DPYD: variants seen among roughly 807,000 people sequenced by gnomAD.
DPYD encodes the protein dihydropyrimidine dehydrogenase [NADP(+)].
DPYD carries 109 observed loss-of-function variants against 116.2 expected under a neutral mutation model. The ratio of observed to expected loss-of-function variants is 0.94; its 90% CI spans 0.80 to 1.10. The LOEUF is 1.10. Ranked by LOEUF, DPYD falls within the 50% of genes least tolerant of loss-of-function variation. DPYD has a pLI of 0.00. For synonymous variants in DPYD, 440 were observed against 432.0 expected (o/e 1.02, Z -0.23); for missense variants, 1,302 against 1,254.5 (o/e 1.04, Z -0.57).
chr1:97,599,764 C>T (rs1465239085), intron 8 of DPYD, among the ~76,000 whole-genome samples: 1 of 146,036 alleles, frequency 6.8e-6, no homozygotes, highest in Non-Finnish European at 1.5e-5. Context: ...TGGCTCCTGC[C>T]TGTAATCCCA....
chr1:97,780,698 T>C (rs542592389), intron 3 of DPYD, among the ~76,000 whole-genome samples: 22 of 152,282 alleles, frequency 1.4e-4, no homozygotes, highest in African/African-American at 5.1e-4. Flanking sequence ...TTCTGTCCCT[T>C]CTTTTAACTG....
chr1:97,317,270 GA>G (rs1667912386), intron 16 of DPYD, among the ~76,000 whole-genome samples: 1 of 151,988 alleles, frequency 6.6e-6, no homozygotes, highest in South Asian at 2.1e-4. Flanking sequence ...AATATATGCA[GA>G]AACAGGTCAT....
intron 1 of DPYD, among the ~76,000 whole-genome samples, chr1:97,887,289 G>A (rs1035160171): frequency 6.6e-6 from 1 of 151,534 alleles, no homozygotes; most frequent in Non-Finnish European, 1.5e-5. Flanking sequence ...GGGCAACACA[G>A]TGAATCCCCA....
intron 3 of DPYD, among the ~76,000 whole-genome samples, chr1:97,746,311 G>A (rs2101084474): frequency 6.6e-6 from 1 of 152,138 alleles, no homozygotes; most frequent in East Asian, 1.9e-4. Flanking sequence ...AGCTGTTTGT[G>A]CTGGAAACAT....
Position 97,757,977 on chromosome 1 carries a change from G to A in DPYD, c.234-17498C>T, listed in dbSNP as rs375299447. ...CTGCACTACTGAATTCTCATAATAC[G>A]CACTGCCTGAGAAATGGAGCGCCTG... On this transcript the variant is annotated intron_variant, in intron 3 of 22. Coordinates refer to ENST00000370192, the MANE Select transcript of DPYD (RefSeq NM_000110.4). Among the ~76,000 whole-genome samples the A allele has an allele frequency of 1.1e-4, 16 of 152,120 alleles. No individual in the cohort carries two copies. The East Asian group carries it at 1.2e-3, about 11-fold the overall frequency.
At chr1:97,273,643 T>C (rs919531256) in intron 18 of DPYD, among the ~76,000 whole-genome samples, 1 of 152,204 alleles carries the variant, frequency 6.6e-6, no homozygotes, top group African/African-American at 2.4e-5. Context: ...CAATATGTGA[T>C]TGAATTACTG....
chr1:97,269,881 C>T (rs1664467427), intron 18 of DPYD, among the ~76,000 whole-genome samples: 1 of 152,112 alleles, frequency 6.6e-6, no homozygotes, highest in African/African-American at 2.4e-5. Flanking sequence ...GGGCACAATT[C>T]AGTACACAGC....
chr1:97,897,145 G>A (rs1158276971), intron 1 of DPYD, among the ~76,000 whole-genome samples: 1 of 151,792 alleles, frequency 6.6e-6, no homozygotes, highest in Admixed American at 6.6e-5. Context: ...TCTCTACTTT[G>A]CCCTGGTTTT....
chr1:97,496,140 C>T (rs1282257617), intron 13 of DPYD, among the ~76,000 whole-genome samples: 4 of 152,068 alleles, frequency 2.6e-5, no homozygotes, highest in Admixed American at 2.0e-4. Context: ...CCTAACTTCT[C>T]TCTTCCCATA....
At chr1:97,720,744 G>A (rs1444453970) in intron 5 of DPYD, 1 of 1,437,292 alleles carries the variant, frequency 7.0e-7, no homozygotes, top group East Asian at 2.7e-5. Flanking sequence ...TGACCTTCTA[G>A]CCAACTAGTC....
intron 16 of DPYD, among the ~76,000 whole-genome samples, chr1:97,349,101 A>G (rs1403889083): frequency 6.6e-6 from 1 of 152,182 alleles, no homozygotes; most frequent in Non-Finnish European, 1.5e-5. Flanking sequence ...ATTTCAGCCA[A>G]GTTGCTCAAC....
At chr1:97,309,756 T>C (rs1667390006) in intron 16 of DPYD, among the ~76,000 whole-genome samples, 1 of 151,782 alleles carries the variant, frequency 6.6e-6, no homozygotes, top group South Asian at 2.1e-4. Context: ...GAATGCAGAT[T>C]ACTTGCTGCA....
At chr1:97,267,070 G>T (rs1353147434) in intron 18 of DPYD, among the ~76,000 whole-genome samples, 1 of 152,104 alleles carries the variant, frequency 6.6e-6, no homozygotes, top group Non-Finnish European at 1.5e-5. Flanking sequence ...GGGTCAAATG[G>T]TATTTCTAGT....
At chr1:97,434,629 T>C (rs2101741066) in intron 14 of DPYD, among the ~76,000 whole-genome samples, 2 of 152,178 alleles carry the variant, frequency 1.3e-5, no homozygotes, top group Middle Eastern at 6.8e-3. Context: ...TCTCTGCTCA[T>C]TAGCACCTCC....
intron 11 of DPYD, among the ~76,000 whole-genome samples, chr1:97,557,583 T>C (rs1234952209): frequency 6.6e-6 from 1 of 152,156 alleles, no homozygotes; most frequent in Non-Finnish European, 1.5e-5. Flanking sequence ...CCCAAAGTGC[T>C]GGAATTACAG....
intron 10 of DPYD, among the ~76,000 whole-genome samples, chr1:97,589,100 T>G (rs1654338152): frequency 6.6e-6 from 1 of 152,222 alleles, no homozygotes; most frequent in Non-Finnish European, 1.5e-5. Context: ...CTAGGTGACT[T>G]AATGCACCCT....
At chr1:97,499,777 T>C (rs1679473662) in intron 13 of DPYD, among the ~76,000 whole-genome samples, 1 of 151,984 alleles carries the variant, frequency 6.6e-6, no homozygotes, top group Non-Finnish European at 1.5e-5. Context: ...AGTAATCTAG[T>C]TTGGAAATAC....
chr1:97,164,223 A>T (rs1478054071), intron 20 of DPYD, among the ~76,000 whole-genome samples: 3 of 152,172 alleles, frequency 2.0e-5, no homozygotes, highest in Non-Finnish European at 4.4e-5. Context: ...ATAAAATTCT[A>T]CTTCCCTTTA....
At chr1:97,405,459 A>G (rs1008886739) in intron 14 of DPYD, among the ~76,000 whole-genome samples, 5 of 152,144 alleles carry the variant, frequency 3.3e-5, no homozygotes, top group African/African-American at 7.2e-5. Context: ...TGCAGAGTAT[A>G]TAATTCTACA....
Sources: gnomAD v4.1 joint callset for allele counts (sites outside exome capture counted in the v4.1 genomes callset) on GRCh38, gnomAD v4.1.1 for gene constraint, MANE v1.5 for transcripts, NCBI Gene and HGNC (gene_info 2026-07-23, HGNC 2026-07-21) for gene names.